MSL2: variants seen among roughly 807,000 people sequenced by gnomAD.
The protein encoded by MSL2 is MSL complex subunit 2, also known as E3 ubiquitin-protein ligase MSL2.
Under a neutral mutation model 35.8 loss-of-function variants are expected in MSL2, and 2 were observed. The ratio of observed to expected loss-of-function variants is 0.06; its 90% CI spans 0.02 to 0.18. The LOEUF (loss-of-function observed/expected upper bound fraction) is 0.18. MSL2 is among the 10% of genes least tolerant of loss of function. The pLI, the probability that MSL2 is intolerant of heterozygous loss-of-function variation, is 1.00. For missense variants in MSL2, 523 were observed against 706.7 expected, an observed-to-expected ratio of 0.74 and a Z score of 2.95; for synonymous variants, 296 against 255.7, an observed-to-expected ratio of 1.16 and a Z score of -1.50.
At chr3:136,186,808 C>T (rs973661096) in intron 1 of MSL2, among the ~76,000 whole-genome samples, 2 of 152,146 alleles carry the variant, frequency 1.3e-5, no homozygotes, top group Non-Finnish European at 2.9e-5. Context: ...ATGTAATGTG[C>T]TTGAATCATC....
In MSL2 at chr3:136,152,543, G is replaced by C; in HGVS notation, c.338C>G (p.Thr113Ser). ...TTCTATTATATCCCGTGCCAGTGTA[G>C]TCTGTGTTATATACTCGCATAGTTT... ...YKKLCEYITQ[T>S]TLARDIIEAV... Residue 113 changes from threonine (T) to serine (S), a missense_variant, in exon 2 of 2, where the codon ACT (threonine) becomes AGT (serine). By Grantham distance (58) the Thr-to-Ser change is moderately conservative. Transcript: ENST00000309993. The C allele has an allele frequency of 6.2e-7, 1 of 1,614,208 alleles. No homozygotes were observed. The highest frequency in any genetic ancestry group is 8.5e-7 in the Non-Finnish European group (1 of 1,180,046).
chr3:136,183,140 G>A (rs937964921), intron 1 of MSL2, among the ~76,000 whole-genome samples: 1 of 151,854 alleles, frequency 6.6e-6, no homozygotes, highest in Admixed American at 6.6e-5. Flanking sequence ...CACAATAGCT[G>A]GAAAATTAAC....
At chr3:136,158,665 A>T (rs1939604889) in intron 1 of MSL2, among the ~76,000 whole-genome samples, 1 of 152,236 alleles carries the variant, frequency 6.6e-6, no homozygotes, top group Non-Finnish European at 1.5e-5. Context: ...AAAAAGAAAC[A>T]AGTAAAATTG....
Position 136,151,186 on chromosome 3 carries a change from T to C in MSL2, c.1695A>G (p.Lys565=). ...TFLAASTHDD[K]SLDEAIDMRF... ...TCATGTCTATAGCTTCATCCAAACT[T>C]TTATCATCATGTGTACTGGCAGCTA... Residue 565 remains lysine (K), a synonymous_variant, in exon 2 of 2, where the codon AAA becomes AAG. Coordinates refer to ENST00000309993, the MANE Select transcript of MSL2 (RefSeq NM_018133.4). This position sits in a 1 kb window ranked among gnomAD's most constrained non-coding sequence, Gnocchi z 5.2. 6.2e-7 allele frequency: 1 copy of C among 1,614,080 alleles called. No homozygotes were observed.
chr3:136,187,096 A>AT (rs1282601067), intron 1 of MSL2, among the ~76,000 whole-genome samples: 1 of 152,312 alleles, frequency 6.6e-6, no homozygotes, highest in East Asian at 1.9e-4. Flanking sequence ...GATACGGAGG[A>AT]TTAGCTGTAC....
At chr3:136,192,071 T>C (rs1940705202) in intron 1 of MSL2, among the ~76,000 whole-genome samples, 1 of 152,236 alleles carries the variant, frequency 6.6e-6, no homozygotes, top group African/African-American at 2.4e-5. Flanking sequence ...AAGTTTATTA[T>C]ATGTATCAAG....
Position 136,149,388 on chromosome 3 carries a change from A to C in MSL2, c.*1759T>G, listed in dbSNP as rs1939273734. Reference sequence around the variant, plus strand: ...GTTTCATAAGACACTGCTAACACTTAAAGGAATTAAATAAAATTCCAAATC... The same window carrying C: ...GTTTCATAAGACACTGCTAACACTTCAAGGAATTAAATAAAATTCCAAATC... On this transcript the variant is annotated 3_prime_UTR_variant, in exon 2 of 2. Coordinates refer to ENST00000309993, the MANE Select transcript of MSL2 (RefSeq NM_018133.4). The C allele has an allele frequency of 1.3e-5, 2 of 152,566 alleles. No homozygotes were observed. Among genetic ancestry groups the C allele is most frequent in the African/African-American group, 4.8e-5 (2 of 41,440 alleles). 9.5% of individuals were successfully genotyped at this position (152,566 alleles called of 1,614,324 possible). A position where few individuals can be genotyped will look rare whatever the true frequency, so the allele number is the denominator to read the frequency against.
intron 1 of MSL2, chr3:136,194,282 G>A (rs1390558154): frequency 6.4e-6 from 2 of 314,318 alleles, no homozygotes; most frequent in Non-Finnish European, 4.6e-6. Flanking sequence ...AAAAATTAAA[G>A]TATCCTACCC....
In MSL2 at chr3:136,180,132, T is replaced by C. The variant is rs74282422; in HGVS notation, c.142+14840A>G. Among the ~76,000 whole-genome samples the C allele has an allele frequency of 6.6e-4, 100 of 152,292 alleles. 3 individuals are homozygous for C. In the East Asian group the frequency reaches 0.018, roughly 28 times the overall value. On this transcript the variant is annotated intron_variant, in intron 1 of 1. Coordinates refer to ENST00000309993, the MANE Select transcript of MSL2 (RefSeq NM_018133.4). ...TGTAAACTCATGAATGTTAAAAATG[T>C]AGGCTAAAATGGCATACATTACACA...
chr3:136,179,225 C>T (rs1343969981), intron 1 of MSL2, among the ~76,000 whole-genome samples: 1 of 152,054 alleles, frequency 6.6e-6, no homozygotes, highest in Non-Finnish European at 1.5e-5. Context: ...CTCCCTCTAT[C>T]GCCCAGGCTG....
chr3:136,188,561 A>C (rs1381333864), intron 1 of MSL2, among the ~76,000 whole-genome samples: 2 of 152,040 alleles, frequency 1.3e-5, no homozygotes, highest in Admixed American at 1.3e-4. Context: ...ACCAGCCTGG[A>C]CAATACAGCA....
intron 1 of MSL2, among the ~76,000 whole-genome samples, chr3:136,184,508 T>C (rs984392605): frequency 3.3e-5 from 5 of 150,804 alleles, no homozygotes; most frequent in Non-Finnish European, 7.4e-5. Context: ...GAGGCTGAGG[T>C]GGGAGAATCC....
chr3:136,191,196 CG>C, intron 1 of MSL2, among the ~76,000 whole-genome samples: 1 of 152,228 alleles, frequency 6.6e-6, no homozygotes, highest in East Asian at 1.9e-4. Context: ...AGGCTGAGCA[CG>C]GTGGCTCACA....
intron 1 of MSL2, among the ~76,000 whole-genome samples, chr3:136,160,523 A>C (rs1939680740): frequency 6.6e-6 from 1 of 151,896 alleles, no homozygotes. Flanking sequence ...CAGCCTGGCC[A>C]ACACAGTAAA....
chr3:136,187,197 C>T (rs752150801), intron 1 of MSL2, among the ~76,000 whole-genome samples: 7 of 152,140 alleles, frequency 4.6e-5, no homozygotes, highest in Non-Finnish European at 1.0e-4. Context: ...CAATTTATAA[C>T]GAGATAAACC....
chr3:136,194,727 C>T (rs1026058557), intron 1 of MSL2, among the ~76,000 whole-genome samples: 11 of 151,444 alleles, frequency 7.3e-5, no homozygotes, highest in African/African-American at 2.4e-4. Flanking sequence ...ACCAGATGAA[C>T]CGAGGCGAAT....
At chr3:136,181,095 G>A (rs1415917740) in intron 1 of MSL2, among the ~76,000 whole-genome samples, 1 of 151,908 alleles carries the variant, frequency 6.6e-6, no homozygotes, top group Non-Finnish European at 1.5e-5. Context: ...GGAGGTTGCA[G>A]TGAGGTGAGA....
chr3:136,192,925 T>C (rs1940730606), intron 1 of MSL2, among the ~76,000 whole-genome samples: 1 of 152,208 alleles, frequency 6.6e-6, no homozygotes, highest in South Asian at 2.1e-4. Context: ...TCTATGTCTT[T>C]ATAATCATAG....
rs76302509 is a variant in MSL2, at chr3:136,150,027, G to A, written c.*1120C>T. On this transcript the variant is annotated 3_prime_UTR_variant, in exon 2 of 2. Coordinates refer to ENST00000309993, the MANE Select transcript of MSL2 (RefSeq NM_018133.4). The stretch of plus-strand genomic sequence containing the variant: ...CTTGTCTTCCCCATAAAAATTAACC[G>A]GAAGAAGTGCATTTAAACTGAAACA... 1,503 of 152,632 alleles carry A rather than the reference G, an allele frequency of 9.8e-3. 44 individuals are homozygous for A. Among genetic ancestry groups the A allele is most frequent in the East Asian group, 0.051 (266 of 5,182 alleles). The allele number at this position is 152,632 out of a possible 1,614,324, so 9.5% of individuals were successfully genotyped here. A position where few individuals can be genotyped will look rare whatever the true frequency, so the allele number is the denominator to read the frequency against.
Sources: allele counts gnomAD v4.1 joint callset (sites outside exome capture counted in the v4.1 genomes callset), GRCh38; gene constraint gnomAD v4.1.1; non-coding constraint Gnocchi (gnomAD v3.1); transcripts MANE v1.5; gene names NCBI Gene and HGNC (gene_info 2026-07-23, HGNC 2026-07-21).